ITIH3: variants seen among roughly 807,000 people sequenced by gnomAD.
The protein encoded by ITIH3 is inter-alpha-trypsin inhibitor heavy chain 3.
In ITIH3, 81 loss-of-function variants were observed where a neutral mutation model predicts 96.5. That is an observed-to-expected ratio of 0.84 (90% CI 0.70 to 1.01). The LOEUF (loss-of-function observed/expected upper bound fraction) is 1.01, where lower values mean the gene tolerates loss of function less well. ITIH3 is among the 50% of genes least tolerant of loss of function. The probability of loss-of-function intolerance (pLI) is 0.00; values close to 1 mark genes in which losing one functional copy is unlikely to be tolerated. For missense variants in ITIH3, 1,057 were observed against 1,139.3 expected (o/e 0.93, Z 1.04); for synonymous variants, 422 against 445.2 (o/e 0.95, Z 0.66).
intron 18 of ITIH3, 50 bp from the exon 19 acceptor site, chr3:52,806,851 G>T: frequency 6.8e-7 from 1 of 1,479,664 alleles, no homozygotes; most frequent in Non-Finnish European, 9.2e-7. Flanking sequence ...AAGGCAATCT[G>T]GACTCAGAAG....
chr3:52,804,980 T>C, intron 15 of ITIH3: 1 of 543,452 alleles, frequency 1.8e-6, no homozygotes, highest in Non-Finnish European at 3.4e-6. Flanking sequence ...ATCTATGACC[T>C]GCAAAAATGA....
At chr3:52,803,475 T>C (rs995269379) in intron 13 of ITIH3, among the ~76,000 whole-genome samples, 5 of 151,212 alleles carry the variant, frequency 3.3e-5, no homozygotes, top group Admixed American at 6.6e-5. Context: ...TGCACCACCA[T>C]GCCTGGCTAA....
At chr3:52,806,510 C>A in intron 18 of ITIH3, 104 bp downstream of exon 18, 1 of 835,368 alleles carries the variant, frequency 1.2e-6, no homozygotes, top group Non-Finnish European at 1.8e-6. Context: ...CCCAGTAAGG[C>A]ATCATCTTCA....
At chr3:52,805,224 A>T in intron 15 of ITIH3, 2 of 868,356 alleles carry the variant, frequency 2.3e-6, no homozygotes, top group Middle Eastern at 5.7e-4. Context: ...TGCCTCTCTC[A>T]CCACAAAACT....
At chr3:52,797,773 C>A (rs979097924) in intron 5 of ITIH3, 44 bp from the exon 6 acceptor site, 66 of 1,290,448 alleles carry the variant, frequency 5.1e-5, no homozygotes, top group Non-Finnish European at 5.3e-5. Context: ...GGGAACTGGC[C>A]TCTGAGGTCA....
chr3:52,803,466 G>C (rs896925125), intron 13 of ITIH3, among the ~76,000 whole-genome samples: 6 of 151,310 alleles, frequency 4.0e-5, no homozygotes, highest in Non-Finnish European at 7.4e-5. Flanking sequence ...TTACAGGCAT[G>C]CACCACCATG....
chr3:52,806,128 C>T lies in ITIH3; in HGVS notation c.1932C>T (p.Pro644=), dbSNP rs1431448141. 1 of 1,603,606 alleles carries T rather than the reference C, an allele frequency of 6.2e-7. No homozygotes were observed. The highest frequency in any genetic ancestry group is 8.5e-7 in the Non-Finnish European group (1 of 1,174,986). The change falls in exon 17 of 22, where the codon CCC becomes CCT. Residue 644 remains proline, a synonymous_variant. Transcript: ENST00000449956. ...CCAGCTACCAGCCTCCTCAAAACCC[C>T]TACTACTATGGTGAGTCCCTGGCTG... ...YLTSYQPPQN[P]YYYVDGDPHF...
At chr3:52,799,944 C>G in intron 9 of ITIH3, 23 bp downstream of exon 9, 1 of 1,608,808 alleles carries the variant, frequency 6.2e-7, no homozygotes, top group Non-Finnish European at 8.5e-7. Flanking sequence ...CTGGAGCCCA[C>G]ACACCTCCTA....
chr3:52,802,634 C>T (rs1204094736), intron 12 of ITIH3, 33 bp from the exon 13 acceptor site: 5 of 1,613,642 alleles, frequency 3.1e-6, no homozygotes, highest in Non-Finnish European at 4.2e-6. Context: ...ACCCAAGCCT[C>T]CAGCCCCTTG....
intron 12 of ITIH3, 52 bp downstream of exon 12, chr3:52,802,571 G>A: frequency 6.2e-7 from 1 of 1,611,158 alleles, no homozygotes; most frequent in Non-Finnish European, 8.5e-7. Flanking sequence ...ATCAGCAGTG[G>A]TAGGGCTCTG....
At chr3:52,795,519 T>C (rs1167682463) in intron 1 of ITIH3, 84 bp from the exon 2 acceptor site, 6 of 1,482,130 alleles carry the variant, frequency 4.0e-6, no homozygotes, top group Non-Finnish European at 5.5e-6. Flanking sequence ...ACCCCTGGTC[T>C]CAGCCCAGAG....
chr3:52,796,893 C>A, intron 4 of ITIH3, 50 bp downstream of exon 4: 2 of 1,331,582 alleles, frequency 1.5e-6, no homozygotes, highest in Non-Finnish European at 1.0e-6. Flanking sequence ...ATCCAAGGGC[C>A]TTCAGGGCTA....
intron 8 of ITIH3, 70 bp from the exon 9 acceptor site, chr3:52,799,683 C>T: frequency 2.0e-6 from 3 of 1,478,570 alleles, no homozygotes; most frequent in Non-Finnish European, 2.7e-6. Flanking sequence ...GTGGGCTGCA[C>T]CGCCTGCTGA....
chr3:52,808,702 T>C lies in ITIH3; in HGVS notation c.*21T>C, dbSNP rs114361600. On this transcript the variant is annotated 3_prime_UTR_variant, in exon 22 of 22. Coordinates refer to ENST00000449956, the MANE Select transcript of ITIH3 (RefSeq NM_002217.4). The stretch of plus-strand genomic sequence containing the variant: ...TTTGAGTAGACACACCAGCTCCTGT[T>C]GGGATGGATGGCCCGGATTTTATGG... 2,587 of 1,592,908 alleles carry C rather than the reference T, an allele frequency of 1.6e-3. 6 individuals carry two copies. The highest frequency in any genetic ancestry group is 2.1e-3 in the Non-Finnish European group (2,415 of 1,162,240).
rs755842337 is a variant in ITIH3, at chr3:52,798,984, C to T, written c.682C>T (p.Pro228Ser). 3.0e-5 allele frequency: 49 copies of T among 1,613,310 alleles called. No individual in the cohort carries two copies. Among genetic ancestry groups the T allele is most frequent in the Non-Finnish European group, 3.5e-5 (41 of 1,179,686 alleles). ...SGKKGHVSFK[P>S]SLDQQRSCPT... ...CCCTTAGGGCCATGTGTCCTTCAAG[C>T]CCAGCTTAGACCAACAGCGTTCATG... Residue 228 changes from proline to serine, a missense_variant, in exon 7 of 22, where the codon CCC becomes TCC. Coordinates refer to ENST00000449956, the MANE Select transcript of ITIH3 (RefSeq NM_002217.4).
chr3:52,805,575 T>G, intron 15 of ITIH3: 1 of 1,343,466 alleles, frequency 7.4e-7, no homozygotes, highest in African/African-American at 1.5e-5. Flanking sequence ...TTCAGCCACA[T>G]CAAAAAGCCC....
Position 52,805,795 on chromosome 3 carries a change from T to G in ITIH3, c.1874-13T>G, listed in dbSNP as rs759812961. Reference sequence around the variant, plus strand: ...CCCTAGACCCTGCTCACCACTGCCCTTCGGCTTTTCAGCCACACCGGTGAG... The same window carrying G: ...CCCTAGACCCTGCTCACCACTGCCCGTCGGCTTTTCAGCCACACCGGTGAG... On this transcript the variant is annotated splice_polypyrimidine_tract_variant and intron_variant, in intron 15 of 21. Transcript: ENST00000449956. The G allele has an allele frequency of 6.2e-6, 10 of 1,613,654 alleles. No homozygotes were observed. In the African/African-American group the frequency reaches 1.2e-4, roughly 19 times the overall value.
intron 13 of ITIH3, among the ~76,000 whole-genome samples, chr3:52,803,105 G>A (rs1043287988): frequency 3.6e-4 from 55 of 152,092 alleles, no homozygotes; most frequent in African/African-American, 1.0e-3. Context: ...ACTGAAGGCC[G>A]GGATCCCAGC....
Position 52,807,059 on chromosome 3 carries a change from C to T in ITIH3, c.2215C>T (p.Pro739Ser). The change falls in exon 19 of 22, where the codon CCG becomes TCG. Residue 739 changes from proline (P) to serine (S), a missense_variant. Physicochemically the swap from Pro to Ser is moderately conservative, Grantham distance 74. Coordinates refer to ENST00000449956, the MANE Select transcript of ITIH3 (RefSeq NM_002217.4). Reference protein sequence around the residue: ...EKITLWNRAVPSTFSWLDTVT... With the variant: ...EKITLWNRAVSSTFSWLDTVT... ...GATCACCCTGTGGAACAGGGCCGTG[C>T]CGAGCACTTTCAGCTGGCTGGACAC... 6.3e-7 allele frequency: 1 copy of T among 1,599,736 alleles called. No individual in the cohort carries two copies. The highest frequency in any genetic ancestry group is 1.3e-5 in the African/African-American group (1 of 74,730).
Sources: allele counts gnomAD v4.1 joint callset (sites outside exome capture counted in the v4.1 genomes callset), GRCh38; gene constraint gnomAD v4.1.1; transcripts MANE v1.5; gene names NCBI Gene and HGNC (gene_info 2026-07-23, HGNC 2026-07-21).